The following SDK1 variants were observed in gnomAD, a reference collection of about 807,000 sequenced individuals.
The protein encoded by SDK1 is protein sidekick-1.
In SDK1, 157 loss-of-function variants were observed where a neutral mutation model predicts 245.5. The observed-to-expected ratio is 0.64, with a 90% confidence interval of 0.56 to 0.73. The LOEUF is 0.73. Ranked by LOEUF, SDK1 falls within the 30% of genes least tolerant of loss-of-function variation. SDK1 has a pLI of 0.00. For synonymous variants in SDK1, 1,647 were observed against 1,278.5 expected (o/e 1.29, Z -6.15); for missense variants, 3,583 against 3,002.3 (o/e 1.19, Z -4.52).
intron 1 of SDK1, among the ~76,000 whole-genome samples, chr7:3,453,867 T>C (rs1344577112): frequency 6.6e-6 from 1 of 152,226 alleles, no homozygotes; most frequent in Non-Finnish European, 1.5e-5. Context: ...GCAGTATTTT[T>C]TTTAATGGCA....
intron 5 of SDK1, among the ~76,000 whole-genome samples, chr7:3,890,352 G>A (rs757589690): frequency 9.9e-5 from 15 of 152,162 alleles, no homozygotes; most frequent in African/African-American, 2.7e-4. Flanking sequence ...ACTTTGTGCC[G>A]GGAAAAATGT....
chr7:4,148,011 G>C (rs992477750), intron 29 of SDK1, among the ~76,000 whole-genome samples: 3 of 136,598 alleles, frequency 2.2e-5, no homozygotes, highest in East Asian at 4.9e-4. Context: ...CTGATTATCC[G>C]GACCAGAGAT....
intron 5 of SDK1, among the ~76,000 whole-genome samples, chr7:3,914,213 A>C (rs1165136486): frequency 6.6e-6 from 1 of 152,244 alleles, no homozygotes; most frequent in Non-Finnish European, 1.5e-5. Flanking sequence ...TTGCTGCTGC[A>C]ATATGCTTGT....
chr7:4,193,906 T>A (rs866128926), intron 35 of SDK1, among the ~76,000 whole-genome samples: 4 of 152,184 alleles, frequency 2.6e-5, no homozygotes, highest in Non-Finnish European at 2.9e-5. Flanking sequence ...GTATTATGTA[T>A]AGAGTCCCTA....
intron 4 of SDK1, among the ~76,000 whole-genome samples, chr7:3,673,704 G>A (rs1479534237): frequency 6.6e-6 from 1 of 152,082 alleles, no homozygotes; most frequent in African/African-American, 2.4e-5. Flanking sequence ...TGACCTGGAG[G>A]GCCCAAAACT....
intron 1 of SDK1, among the ~76,000 whole-genome samples, chr7:3,479,958 A>T (rs931362673): frequency 3.3e-5 from 5 of 151,576 alleles, no homozygotes; most frequent in African/African-American, 1.2e-4. Context: ...AAGCTATGTT[A>T]TTAGGTACTG....
At chr7:3,503,343 T>C (rs1274498400) in intron 1 of SDK1, among the ~76,000 whole-genome samples, 1 of 152,208 alleles carries the variant, frequency 6.6e-6, no homozygotes, top group Non-Finnish European at 1.5e-5. Flanking sequence ...TGATTGAATC[T>C]TGTCAGACAC....
chr7:4,174,495 G>A, intron 33 of SDK1, 138 bp downstream of exon 33: 1 of 1,020,064 alleles, frequency 9.8e-7, no homozygotes, highest in East Asian at 2.4e-5. Context: ...GGAACAGGGA[G>A]CAGGCGGGTT....
At chr7:3,777,110 A>G (rs1017427320) in intron 4 of SDK1, among the ~76,000 whole-genome samples, 1 of 151,836 alleles carries the variant, frequency 6.6e-6, no homozygotes, top group Non-Finnish European at 1.5e-5. Flanking sequence ...TTTACTCTCA[A>G]CCCCCTTGGC....
intron 5 of SDK1, among the ~76,000 whole-genome samples, chr7:3,855,327 T>G (rs897257115): frequency 1.3e-5 from 2 of 151,874 alleles, no homozygotes; most frequent in African/African-American, 4.8e-5. Flanking sequence ...AAAATACTTA[T>G]GCAAGGAAAT....
intron 4 of SDK1, among the ~76,000 whole-genome samples, chr7:3,695,250 A>T (rs1784539513): frequency 6.6e-6 from 1 of 152,196 alleles, no homozygotes; most frequent in South Asian, 2.1e-4. Flanking sequence ...TGCATCCTAA[A>T]CACTTGCAGG....
intron 33 of SDK1, among the ~76,000 whole-genome samples, chr7:4,174,571 C>T (rs1040633181): frequency 5.9e-5 from 9 of 152,156 alleles, no homozygotes; most frequent in Non-Finnish European, 1.2e-4. Context: ...GGCAGAGGGG[C>T]CTTGTCTACC....
At chr7:3,456,221 T>A (rs1780660579) in intron 1 of SDK1, among the ~76,000 whole-genome samples, 1 of 152,222 alleles carries the variant, frequency 6.6e-6, no homozygotes, top group South Asian at 2.1e-4. Flanking sequence ...TGTTTGGGCT[T>A]CACTCAGCTT....
chr7:4,242,553 G>A (rs1786595687), intron 43 of SDK1, among the ~76,000 whole-genome samples: 1 of 152,106 alleles, frequency 6.6e-6, no homozygotes, highest in Non-Finnish European at 1.5e-5. Flanking sequence ...CCAAGGAGAA[G>A]GGCCAGGAAT....
At position 3,715,375 on chromosome 7, in the gene SDK1, G is replaced by A. The variant is rs769292882; in HGVS notation, c.713+73270G>A. Among the ~76,000 whole-genome samples the A allele has an allele frequency of 7.2e-5, 11 of 152,136 alleles. 1 individual carries two copies. Among genetic ancestry groups the A allele is most frequent in the South Asian group, 4.1e-4 (2 of 4,820 alleles). ...TTTACAGTGGGAGAAGGTAGGCTAC[G>A]TAGGTTCTTCCCTCCTCAGGTGGCA... On this transcript the variant is annotated intron_variant, in intron 4 of 44. Coordinates refer to ENST00000404826, the MANE Select transcript of SDK1 (RefSeq NM_152744.4).
intron 13 of SDK1, among the ~76,000 whole-genome samples, chr7:3,986,907 C>T (rs1186465566): frequency 6.6e-6 from 1 of 152,122 alleles, no homozygotes; most frequent in African/African-American, 2.4e-5. Flanking sequence ...TGCGTCCCCT[C>T]CCCCTATTTA....
At chr7:3,445,379 G>A (rs1460780377) in intron 1 of SDK1, among the ~76,000 whole-genome samples, 4 of 152,156 alleles carry the variant, frequency 2.6e-5, no homozygotes, top group Admixed American at 2.6e-4. Flanking sequence ...GTTAGGTTAA[G>A]TTAGGTTAAA....
intron 1 of SDK1, among the ~76,000 whole-genome samples, chr7:3,614,432 T>G (rs968629931): frequency 6.6e-5 from 10 of 152,218 alleles, no homozygotes; most frequent in African/African-American, 2.4e-4. Flanking sequence ...AAGATTAATA[T>G]GTGGGCCATT....
At chr7:3,820,400 G>A (rs957851040) in intron 4 of SDK1, among the ~76,000 whole-genome samples, 2 of 152,044 alleles carry the variant, frequency 1.3e-5, no homozygotes, top group South Asian at 2.1e-4. Context: ...TGTCCACCTC[G>A]CCCTCCCAAA....
Sources: gnomAD v4.1 joint callset for allele counts (sites outside exome capture counted in the v4.1 genomes callset) on GRCh38, gnomAD v4.1.1 for gene constraint, MANE v1.5 for transcripts, NCBI Gene and HGNC (gene_info 2026-07-23, HGNC 2026-07-21) for gene names.